DNAAF4: variants seen among roughly 807,000 people sequenced by gnomAD.
The protein encoded by DNAAF4 is dynein assembly factor 4, axonemal.
DNAAF4 carries 43 observed loss-of-function variants against 51.8 expected under a neutral mutation model. The ratio of observed to expected loss-of-function variants is 0.83; its 90% CI spans 0.65 to 1.07. The LOEUF is 1.07. DNAAF4 is among the 50% of genes least tolerant of loss of function. DNAAF4 has a pLI of 0.00. For missense variants in DNAAF4, 581 were observed against 493.0 expected, an observed-to-expected ratio of 1.18 and a Z score of -1.69; for synonymous variants, 194 against 165.6, an observed-to-expected ratio of 1.17 and a Z score of -1.32.
At chr15:55,487,455 G>T (rs190020716) in intron 4 of DNAAF4, among the ~76,000 whole-genome samples, 68 of 152,306 alleles carry the variant, frequency 4.5e-4, no homozygotes, top group Non-Finnish European at 8.4e-4. Context: ...ACAAATAAGG[G>T]AATAAAAGCT....
At chr15:55,485,588 A>T (rs920051889) in intron 4 of DNAAF4, among the ~76,000 whole-genome samples, 21 of 152,212 alleles carry the variant, frequency 1.4e-4, no homozygotes, top group African/African-American at 4.8e-4. Flanking sequence ...TTAAAAGATC[A>T]GTTGGAAAAA....
At chr15:55,433,914 T>TAA (rs1348132665) in intron 8 of DNAAF4, among the ~76,000 whole-genome samples, 20 of 19,018 alleles carry the variant, frequency 1.1e-3, no homozygotes, top group East Asian at 0.016. Context: ...TTATATATAA[T>TAA]TATATATATT....
intron 4 of DNAAF4, among the ~76,000 whole-genome samples, chr15:55,487,593 G>GT (rs2058510343): frequency 6.6e-6 from 1 of 152,216 alleles, no homozygotes; most frequent in Admixed American, 6.5e-5. Context: ...TTTAAGAGCT[G>GT]TAACAGTCAC....
intron 6 of DNAAF4, among the ~76,000 whole-genome samples, chr15:55,448,884 AT>A (rs1321377585): frequency 1.5e-4 from 23 of 150,972 alleles, no homozygotes; most frequent in African/African-American, 4.9e-4. Flanking sequence ...AATAATAATA[AT>A]TATTATTATT....
downstream of DNAAF4, among the ~76,000 whole-genome samples, chr15:55,426,552 C>G (rs1052205355): frequency 6.6e-6 from 1 of 152,158 alleles, no homozygotes; most frequent in Non-Finnish European, 1.5e-5. Flanking sequence ...GCCTCAGACT[C>G]CTGAGTAGCT....
chr15:55,442,714 A>G (rs2057733621), intron 6 of DNAAF4: 1 of 1,497,892 alleles, frequency 6.7e-7, no homozygotes, highest in Non-Finnish European at 9.3e-7. Flanking sequence ...AACACTCTGA[A>G]CATTACTGGA....
chr15:55,478,505 C>T (rs1337569982), intron 4 of DNAAF4, among the ~76,000 whole-genome samples: 1 of 152,144 alleles, frequency 6.6e-6, no homozygotes, highest in African/African-American at 2.4e-5. Flanking sequence ...GCTAGAATGG[C>T]AGTGCCAGTC....
chr15:55,462,664 T>C (rs1415952118), intron 5 of DNAAF4, among the ~76,000 whole-genome samples: 1 of 149,282 alleles, frequency 6.7e-6, no homozygotes, highest in Non-Finnish European at 1.5e-5. Flanking sequence ...CAGAACAATA[T>C]CCCTGATGAA....
At chr15:55,502,579 GC>G (rs2058705278) in intron 1 of DNAAF4, among the ~76,000 whole-genome samples, 1 of 151,930 alleles carries the variant, frequency 6.6e-6, no homozygotes, top group Admixed American at 6.6e-5. Flanking sequence ...TCTTACAAAG[GC>G]CCCAGTCAAG....
intron 7 of DNAAF4, among the ~76,000 whole-genome samples, chr15:55,439,144 A>T (rs908048112): frequency 6.6e-6 from 1 of 152,222 alleles, no homozygotes; most frequent in African/African-American, 2.4e-5. Flanking sequence ...CTTGTTGCCC[A>T]GACTGGAGTG....
intron 1 of DNAAF4, among the ~76,000 whole-genome samples, chr15:55,500,074 G>A (rs1330090280): frequency 6.6e-6 from 1 of 151,768 alleles, no homozygotes; most frequent in Non-Finnish European, 1.5e-5. Flanking sequence ...CAGAGAAACT[G>A]GGCCTTTGTG....
intron 7 of DNAAF4, among the ~76,000 whole-genome samples, chr15:55,422,608 C>T (rs1476383999): frequency 6.6e-6 from 1 of 152,074 alleles, no homozygotes; most frequent in Non-Finnish European, 1.5e-5. Context: ...GGGAATGACC[C>T]AGCAGTGTGA....
intron 6 of DNAAF4, chr15:55,443,416 T>C: frequency 1.7e-6 from 1 of 603,138 alleles, no homozygotes; most frequent in East Asian, 2.8e-5. Flanking sequence ...TGGCACACAT[T>C]ACTGCCACAT....
chr15:55,487,187 CTG>C (rs2058502111), intron 4 of DNAAF4, among the ~76,000 whole-genome samples: 1 of 152,190 alleles, frequency 6.6e-6, no homozygotes, highest in African/African-American at 2.4e-5. Flanking sequence ...AATCAGCACT[CTG>C]TAAAAATGCA....
At position 55,470,054 on chromosome 15, in the gene DNAAF4, C is replaced by A. The variant is rs28848898; in HGVS notation, c.406-2893G>T. ...ATAAATACCTCGCTTATATTTACCCCTTTTTTTTTTTTTCTGAGACGGAGT... is the reference window on the plus strand; with the variant it reads ...ATAAATACCTCGCTTATATTTACCCATTTTTTTTTTTTTCTGAGACGGAGT... On this transcript the variant is annotated intron_variant, in intron 4 of 9. Transcript: ENST00000321149. 7.3e-5 allele frequency among the ~76,000 whole-genome samples: 11 copies of A among 150,166 alleles called. No homozygotes were observed. The East Asian group carries it at 1.2e-3, about 16-fold the overall frequency.
intron 7 of DNAAF4, among the ~76,000 whole-genome samples, chr15:55,421,017 C>T (rs753307737): frequency 1.3e-4 from 19 of 151,696 alleles, no homozygotes; most frequent in Non-Finnish European, 2.4e-4. Context: ...GACAAAACCC[C>T]GTCTCTACTA....
At chr15:55,454,073 G>A (rs2057980025) in intron 5 of DNAAF4, among the ~76,000 whole-genome samples, 1 of 151,880 alleles carries the variant, frequency 6.6e-6, no homozygotes, top group Non-Finnish European at 1.5e-5. Flanking sequence ...GGCCAAGACA[G>A]GTAGATCGCT....
intron 6 of DNAAF4, chr15:55,443,161 A>C: frequency 6.2e-7 from 1 of 1,610,642 alleles, no homozygotes; most frequent in South Asian, 1.1e-5. Flanking sequence ...ACATTTCTTC[A>C]TAAACTGGTC....
At chr15:55,501,732 G>A (rs1284228221) in intron 1 of DNAAF4, among the ~76,000 whole-genome samples, 2 of 150,624 alleles carry the variant, frequency 1.3e-5, no homozygotes, top group Non-Finnish European at 3.0e-5. Flanking sequence ...AATTAAAAAC[G>A]AACTAAAATT....
Sources: allele counts gnomAD v4.1 joint callset (sites outside exome capture counted in the v4.1 genomes callset), GRCh38; gene constraint gnomAD v4.1.1; transcripts MANE v1.5; gene names NCBI Gene and HGNC (gene_info 2026-07-23, HGNC 2026-07-21).